The following DNAAF9 variants were observed in gnomAD, a reference collection of about 807,000 sequenced individuals.
The protein encoded by DNAAF9 is dynein axonemal assembly factor 9.
Under a neutral mutation model 167.0 loss-of-function variants are expected in DNAAF9, and 90 were observed. The observed-to-expected ratio is 0.54, with a 90% CI of 0.45 to 0.64. DNAAF9 has a LOEUF of 0.64. Among genes scored for constraint, DNAAF9 ranks in the 30% least tolerant of loss-of-function variants. The probability of loss-of-function intolerance (pLI) is 0.00; values close to 1 mark genes in which losing one functional copy is unlikely to be tolerated. For synonymous variants in DNAAF9, 491 were observed against 508.8 expected (o/e 0.96, Z 0.47); for missense variants, 1,315 against 1,442.2 (o/e 0.91, Z 1.43).
Position 3,253,784 on chromosome 20 carries a change from G to A in DNAAF9, c.3363C>T (p.Tyr1121=), listed in dbSNP as rs753291124. The A allele has an allele frequency of 1.9e-6, 3 of 1,612,720 alleles. No individual in the cohort carries two copies. The highest frequency in any genetic ancestry group is 2.5e-6 in the Non-Finnish European group (3 of 1,178,700). ...TAACAAATTGGGTGCCATTATAAAAGTAGCCTGCAGGTAGGGGTTCCAAGT... is the reference window on the plus strand; with the variant it reads ...TAACAAATTGGGTGCCATTATAAAAATAGCCTGCAGGTAGGGGTTCCAAGT... ...KRHLEPLPAG[Y]FYNGTQFVNF... The change falls in exon 36 of 37, where the codon TAC becomes TAT. Residue 1121 remains tyrosine (Y), a synonymous_variant. Coordinates refer to ENST00000252032, the MANE Select transcript of DNAAF9 (RefSeq NM_001009984.3).
intron 23 of DNAAF9, chr20:3,295,730 C>A (rs879230355): frequency 1.4e-5 from 9 of 624,608 alleles, no homozygotes; most frequent in Non-Finnish European, 2.8e-5. Flanking sequence ...TGGCATAACG[C>A]GTGATGTAGT....
At chr20:3,277,630 C>T (rs899768412) in intron 29 of DNAAF9, among the ~76,000 whole-genome samples, 63 of 152,162 alleles carry the variant, frequency 4.1e-4, no homozygotes, top group Non-Finnish European at 7.8e-4. Flanking sequence ...ACATGCCCCA[C>T]ATCTAGTCTG....
intron 10 of DNAAF9, among the ~76,000 whole-genome samples, chr20:3,334,683 T>G (rs2069903847): frequency 6.6e-6 from 1 of 152,144 alleles, no homozygotes; most frequent in Non-Finnish European, 1.5e-5. Context: ...TAAATCAGAG[T>G]TCCTGTTGCT....
intron 15 of DNAAF9, 48 bp from the exon 16 acceptor site, chr20:3,322,310 T>C: frequency 1.4e-6 from 2 of 1,380,950 alleles, no homozygotes; most frequent in Non-Finnish European, 2.1e-6. Flanking sequence ...TTTTTAAGTG[T>C]ACTTAAATTT....
chr20:3,330,669 C>T lies in DNAAF9; in HGVS notation c.1077G>A (p.Lys359=). ...ACATTTGTTCAGTTTTCTTGGGCAG[C>T]TTGCTGTCACCACCTGTGAAAGAGG... ...THVPYLGGDS[K]LPKKTEQIRL... The change falls in exon 12 of 37, where the codon AAG becomes AAA. Residue 359 remains lysine (K), a synonymous_variant. Transcript: ENST00000252032. 1 of 1,600,624 alleles carries T rather than the reference C, an allele frequency of 6.2e-7. No homozygotes were observed. The highest frequency in any genetic ancestry group is 8.5e-7 in the Non-Finnish European group (1 of 1,169,702).
intron 1 of DNAAF9, among the ~76,000 whole-genome samples, chr20:3,385,215 C>T (rs767232103): frequency 1.7e-4 from 26 of 151,680 alleles, no homozygotes; most frequent in Non-Finnish European, 3.4e-4. Flanking sequence ...GAAGTTCTAG[C>T]CAACAGAATA....
At position 3,315,511 on chromosome 20, in the gene DNAAF9, C is replaced by G. The variant is rs1568599543; in HGVS notation, c.1590+224G>C. The stretch of plus-strand genomic sequence containing the variant: ...TATTATGGGGAGATTTTTAAAAGAA[C>G]ACCAGAAGGCCCTGATGGAATAAAG... On this transcript the variant is annotated intron_variant, in intron 19 of 36. Transcript: ENST00000252032. This position sits in a 1 kb window ranked among gnomAD's most constrained non-coding sequence, Gnocchi z 4.1. Among the ~76,000 whole-genome samples, 1 of 152,174 alleles carries G rather than the reference C, an allele frequency of 6.6e-6. No homozygotes were observed. Among genetic ancestry groups the G allele is most frequent in the Non-Finnish European group, 1.5e-5 (1 of 68,036 alleles).
chr20:3,374,197 G>C (rs369327066), intron 5 of DNAAF9, 43 bp from the exon 6 acceptor site: 10 of 1,345,798 alleles, frequency 7.4e-6, no homozygotes, highest in Non-Finnish European at 9.6e-6. Context: ...ATACCATCCT[G>C]AATATAACAG....
intron 10 of DNAAF9, among the ~76,000 whole-genome samples, chr20:3,336,643 A>G (rs1200949412): frequency 1.3e-5 from 2 of 151,946 alleles, no homozygotes; most frequent in Non-Finnish European, 2.9e-5. Context: ...TCTGCCACCC[A>G]GGTTCAAGTG....
chr20:3,322,749 A>T, intron 14 of DNAAF9, 53 bp from the exon 15 acceptor site: 1 of 1,294,134 alleles, frequency 7.7e-7, no homozygotes, highest in Non-Finnish European at 1.1e-6. Context: ...TGCTCCTCAG[A>T]TACCTGTGCA....
At chr20:3,342,595 A>G (rs1207557106) in intron 9 of DNAAF9, among the ~76,000 whole-genome samples, 2 of 152,086 alleles carry the variant, frequency 1.3e-5, no homozygotes, top group Non-Finnish European at 1.5e-5. Flanking sequence ...TCTTTTCACT[A>G]CTCTTAAAAA....
At chr20:3,350,132 GACACACAGACACACAGACACACAGAC>G (rs1406346441) in intron 7 of DNAAF9, among the ~76,000 whole-genome samples, 167 of 137,646 alleles carry the variant, frequency 1.2e-3, no homozygotes, top group African/African-American at 4.2e-3. Context: ...CAGACACACA[GACACACAGACACACAGACACACAGAC>G]ACACACACAC....
At chr20:3,333,936 A>G (rs1188432754) in intron 10 of DNAAF9, among the ~76,000 whole-genome samples, 1 of 152,196 alleles carries the variant, frequency 6.6e-6, no homozygotes, top group African/African-American at 2.4e-5. Context: ...AAAATAAGTA[A>G]CTGTCTAAAC....
At chr20:3,369,200 T>C (rs2083476627) in intron 6 of DNAAF9, among the ~76,000 whole-genome samples, 3 of 152,306 alleles carry the variant, frequency 2.0e-5, no homozygotes, top group South Asian at 4.1e-4. Flanking sequence ...AGGGTTTTTT[T>C]TCCTCTTCCC....
chr20:3,276,115 C>T (rs1051853577), intron 29 of DNAAF9, among the ~76,000 whole-genome samples: 2 of 152,178 alleles, frequency 1.3e-5, no homozygotes, highest in East Asian at 1.9e-4. Flanking sequence ...TCTTATGAAT[C>T]GGGTAGCCTG....
chr20:3,332,217 C>G lies in DNAAF9; in HGVS notation c.1063+63G>C, dbSNP rs185260089. 3.6e-4 allele frequency: 319 copies of G among 879,192 alleles called. No individual in the cohort carries two copies. In the African/African-American group the frequency reaches 4.8e-3, roughly 13 times the overall value. 54.5% of individuals were successfully genotyped at this position (879,192 alleles called of 1,614,324 possible). On this transcript the variant is annotated intron_variant, in intron 11 of 36. Transcript: ENST00000252032. ...AAAGTAGTGAATTGTATGTCAACTT[C>G]TAGTTCATGGGACAGACTATTCATT...
intron 31 of DNAAF9, among the ~76,000 whole-genome samples, chr20:3,260,421 A>C (rs1434641895): frequency 6.6e-6 from 1 of 152,238 alleles, no homozygotes. Context: ...AAACTTGTTT[A>C]AATATGTATA....
intron 28 of DNAAF9, among the ~76,000 whole-genome samples, chr20:3,279,726 G>C (rs929708286): frequency 6.6e-6 from 1 of 152,196 alleles, no homozygotes; most frequent in Non-Finnish European, 1.5e-5. Context: ...ACAGATGAAA[G>C]GCATGGGTTT....
Position 3,353,792 on chromosome 20 carries a change from AG to A in DNAAF9, c.691-5170del, listed in dbSNP as rs368343713. Among the ~76,000 whole-genome samples, 490 of 152,244 alleles carry A rather than the reference AG, an allele frequency of 3.2e-3. 6 individuals are homozygous for A. The highest frequency in any genetic ancestry group is 0.011 in the African/African-American group (455 of 41,528). On this transcript the variant is annotated intron_variant, in intron 7 of 36. Transcript: ENST00000252032. ...ATGACAGGAAGCAGTCACACAGTCAAGCAATACCAATTCTCTGCTAACTTGT... is the reference window on the plus strand; with the variant it reads ...ATGACAGGAAGCAGTCACACAGTCAACAATACCAATTCTCTGCTAACTTGT...
Sources: allele counts gnomAD v4.1 joint callset (sites outside exome capture counted in the v4.1 genomes callset), GRCh38; gene constraint gnomAD v4.1.1; non-coding constraint Gnocchi (gnomAD v3.1); transcripts MANE v1.5; gene names NCBI Gene and HGNC (gene_info 2026-07-23, HGNC 2026-07-21).